FRMD3: variants seen among roughly 807,000 people sequenced by gnomAD.
FRMD3 encodes the protein FERM domain-containing protein 3.
Under a neutral mutation model 70.2 loss-of-function variants are expected in FRMD3, and 33 were observed. That is an observed-to-expected ratio of 0.47 (90% CI 0.36 to 0.63). The LOEUF is 0.63. Ranked by LOEUF, FRMD3 falls within the 20% of genes least tolerant of loss-of-function variation. The probability of loss-of-function intolerance (pLI) is 0.00; values close to 1 mark genes in which losing one functional copy is unlikely to be tolerated. For synonymous variants in FRMD3, 279 were observed against 255.9 expected, an observed-to-expected ratio of 1.09 and a Z score of -0.86; for missense variants, 632 against 711.4, an observed-to-expected ratio of 0.89 and a Z score of 1.27.
At chr9:83,369,982 T>C (rs1824918833) in intron 3 of FRMD3, among the ~76,000 whole-genome samples, 1 of 152,212 alleles carries the variant, frequency 6.6e-6, no homozygotes, top group Non-Finnish European at 1.5e-5. Flanking sequence ...AACGCCATGT[T>C]TGTTAATCAG....
intron 12 of FRMD3, chr9:83,297,592 A>G (rs1834726147): frequency 2.8e-6 from 1 of 363,170 alleles, no homozygotes; most frequent in Non-Finnish European, 5.5e-6. Context: ...GCATTGAATA[A>G]GTACAATTTG....
chr9:83,529,884 A>C (rs1829759902), intron 1 of FRMD3, among the ~76,000 whole-genome samples: 1 of 152,246 alleles, frequency 6.6e-6, no homozygotes, highest in African/African-American at 2.4e-5. Context: ...AGACACATGA[A>C]AAGATGCTCA....
intron 3 of FRMD3, among the ~76,000 whole-genome samples, chr9:83,367,605 G>T (rs1311601782): frequency 6.6e-6 from 1 of 152,214 alleles, no homozygotes; most frequent in Admixed American, 6.5e-5. Context: ...AGCTCCTAAA[G>T]AGAATACTCC....
intron 5 of FRMD3, among the ~76,000 whole-genome samples, chr9:83,338,544 T>A (rs1823653119): frequency 6.6e-6 from 1 of 152,098 alleles, no homozygotes; most frequent in Non-Finnish European, 1.5e-5. Context: ...TCTGTCACAG[T>A]TAAAATCAAC....
At chr9:83,460,904 T>C (rs1282281511) in intron 1 of FRMD3, among the ~76,000 whole-genome samples, 2 of 152,050 alleles carry the variant, frequency 1.3e-5, no homozygotes, top group African/African-American at 4.8e-5. Flanking sequence ...AGCTTCTAGT[T>C]TGACACATCT....
At chr9:83,469,938 T>C (rs888620154) in intron 1 of FRMD3, among the ~76,000 whole-genome samples, 4 of 152,186 alleles carry the variant, frequency 2.6e-5, no homozygotes, top group African/African-American at 9.7e-5. Flanking sequence ...TAGAGCTGTA[T>C]AAAAGTAGAG....
At position 83,252,137 on chromosome 9, in the gene FRMD3, C is replaced by A. The variant is rs531124734; in HGVS notation, c.1196-3621G>T. Among the ~76,000 whole-genome samples, 163 of 152,262 alleles carry A rather than the reference C, an allele frequency of 1.1e-3. 1 individual carries two copies. Among genetic ancestry groups the A allele is most frequent in the African/African-American group, 3.7e-3 (152 of 41,546 alleles). The stretch of plus-strand genomic sequence containing the variant: ...GGGCAACCAGAGAGAAAGGCCAGGT[C>A]ATCTACAAAGGGAAACTCATCAGAC... On this transcript the variant is annotated intron_variant, in intron 13 of 13. Transcript: ENST00000304195.
At chr9:83,399,850 A>G (rs1025470790) in intron 1 of FRMD3, among the ~76,000 whole-genome samples, 4 of 152,236 alleles carry the variant, frequency 2.6e-5, no homozygotes, top group Non-Finnish European at 5.9e-5. Context: ...AAGAATGTCT[A>G]TTAAAACTAT....
At chr9:83,450,038 C>T (rs1265978368) in intron 1 of FRMD3, among the ~76,000 whole-genome samples, 1 of 152,084 alleles carries the variant, frequency 6.6e-6, no homozygotes, top group African/African-American at 2.4e-5. Flanking sequence ...CTCTAAAAAG[C>T]CTAAGCTGAA....
chr9:83,356,572 G>A (rs1190207726), intron 3 of FRMD3, among the ~76,000 whole-genome samples: 3 of 151,560 alleles, frequency 2.0e-5, no homozygotes, highest in Non-Finnish European at 2.9e-5. Context: ...CACCGCGCCC[G>A]GCCAGCAGCT....
At chr9:83,436,342 G>A (rs576127605) in intron 1 of FRMD3, among the ~76,000 whole-genome samples, 111 of 151,994 alleles carry the variant, frequency 7.3e-4, no homozygotes, top group Non-Finnish European at 9.8e-4. Context: ...CTGTCTGCAC[G>A]ACAGGCTTTA....
intron 1 of FRMD3, among the ~76,000 whole-genome samples, chr9:83,441,320 C>T (rs557198786): frequency 5.9e-5 from 9 of 152,070 alleles, no homozygotes; most frequent in South Asian, 2.1e-4. Flanking sequence ...AGTCAGATTC[C>T]GACTGAACGG....
At chr9:83,406,700 C>T (rs1826115106) in intron 1 of FRMD3, among the ~76,000 whole-genome samples, 1 of 152,202 alleles carries the variant, frequency 6.6e-6, no homozygotes, top group African/African-American at 2.4e-5. Context: ...GGGCAATTGA[C>T]ATGTTGTCAA....
At chr9:83,490,747 C>T (rs959015518) in intron 1 of FRMD3, among the ~76,000 whole-genome samples, 4 of 145,512 alleles carry the variant, frequency 2.7e-5, no homozygotes, top group African/African-American at 1.0e-4. Flanking sequence ...TATAAAAAAT[C>T]CAGTTTTTTA....
chr9:83,505,472 G>C (rs1829161476), intron 1 of FRMD3, among the ~76,000 whole-genome samples: 2 of 152,142 alleles, frequency 1.3e-5, no homozygotes, highest in African/African-American at 2.4e-5. Context: ...TACAGATGGG[G>C]GTGCTGAGTA....
intron 6 of FRMD3, among the ~76,000 whole-genome samples, chr9:83,315,150 C>T (rs1387800062): frequency 6.6e-6 from 1 of 151,974 alleles, no homozygotes; most frequent in Admixed American, 6.6e-5. Flanking sequence ...TCATGAATTC[C>T]TCTTATCCCT....
intron 13 of FRMD3, chr9:83,276,391 ACATTAT>A (rs1833792655): frequency 6.6e-6 from 1 of 152,242 alleles, no homozygotes; most frequent in Admixed American, 6.5e-5. Flanking sequence ...AAAGGAAATT[ACATTAT>A]ATTACATAAA....
intron 1 of FRMD3, among the ~76,000 whole-genome samples, chr9:83,413,453 C>T (rs986109611): frequency 6.6e-6 from 1 of 152,148 alleles, no homozygotes; most frequent in African/African-American, 2.4e-5. Context: ...GCACCCGGGC[C>T]CCTGAATGTC....
chr9:83,297,132 T>C (rs1834704462), intron 12 of FRMD3, among the ~76,000 whole-genome samples: 2 of 152,328 alleles, frequency 1.3e-5, no homozygotes, highest in South Asian at 4.1e-4. Flanking sequence ...ACTTTGAGAC[T>C]CAAAAAGCCT....
Sources: gnomAD v4.1 joint callset for allele counts (sites outside exome capture counted in the v4.1 genomes callset) on GRCh38, gnomAD v4.1.1 for gene constraint, MANE v1.5 for transcripts, NCBI Gene and HGNC (gene_info 2026-07-23, HGNC 2026-07-21) for gene names.